CTNNA3: variants seen among roughly 807,000 people sequenced by gnomAD.
CTNNA3 encodes catenin alpha 3, also known as catenin alpha-3.
CTNNA3 carries 76 observed loss-of-function variants against 95.7 expected under a neutral mutation model. That is an observed-to-expected ratio of 0.79 (90% CI 0.66 to 0.96). The LOEUF is 0.96. Ranked by LOEUF, CTNNA3 falls within the 40% of genes least tolerant of loss-of-function variation. CTNNA3 has a pLI of 0.00. For synonymous variants in CTNNA3, 431 were observed against 374.4 expected, an observed-to-expected ratio of 1.15 and a Z score of -1.74; for missense variants, 1,191 against 1,089.8, an observed-to-expected ratio of 1.09 and a Z score of -1.31.
chr10:67,544,435 CA>C (rs200781305), intron 3 of CTNNA3, among the ~76,000 whole-genome samples: 19,671 of 152,138 alleles, frequency 0.13, 1,571 homozygotes, highest in East Asian at 0.3. Flanking sequence ...AAGGGGAAAC[CA>C]AGGCAGAGCC....
chr10:67,530,449 G>C (rs1425031164), intron 4 of CTNNA3, among the ~76,000 whole-genome samples: 1 of 152,196 alleles, frequency 6.6e-6, no homozygotes. Context: ...TTATGTTTTA[G>C]CAAAGAGATT....
At chr10:66,256,021 G>A (rs563307883) in intron 13 of CTNNA3, among the ~76,000 whole-genome samples, 58 of 152,344 alleles carry the variant, frequency 3.8e-4, no homozygotes, top group African/African-American at 1.4e-3. Context: ...AGCCAGGGAA[G>A]AAGCTGTCCC....
intron 5 of CTNNA3, among the ~76,000 whole-genome samples, chr10:67,456,799 T>C (rs1589309058): frequency 1.3e-5 from 2 of 152,162 alleles, no homozygotes; most frequent in South Asian, 4.1e-4. Context: ...GATGGCTAAA[T>C]GCAGTCTAGT....
intron 7 of CTNNA3, among the ~76,000 whole-genome samples, chr10:67,076,945 G>A (rs898463069): frequency 2.6e-5 from 4 of 152,078 alleles, no homozygotes; most frequent in African/African-American, 4.8e-5. Flanking sequence ...AAATCTCCTC[G>A]TCTTTATCAC....
chr10:67,213,759 T>C (rs906489090), intron 6 of CTNNA3, among the ~76,000 whole-genome samples: 25 of 151,842 alleles, frequency 1.6e-4, no homozygotes, highest in Non-Finnish European at 3.1e-4. Flanking sequence ...ATTTCACTTA[T>C]TTACCTAAAT....
At chr10:67,149,310 G>T (rs1453625440) in intron 7 of CTNNA3, among the ~76,000 whole-genome samples, 1 of 152,162 alleles carries the variant, frequency 6.6e-6, no homozygotes, top group African/African-American at 2.4e-5. Context: ...AAGAGGCCGG[G>T]TGCAGTGGCT....
intron 3 of CTNNA3, among the ~76,000 whole-genome samples, chr10:67,582,124 C>A (rs1216098815): frequency 7.0e-6 from 1 of 143,118 alleles, no homozygotes; most frequent in Non-Finnish European, 1.5e-5. Flanking sequence ...TTTGCTCTTG[C>A]TTCTCTAGTT....
At chr10:66,450,883 T>G (rs1001834274) in intron 11 of CTNNA3, among the ~76,000 whole-genome samples, 42 of 152,174 alleles carry the variant, frequency 2.8e-4, no homozygotes, top group Admixed American at 1.2e-3. Context: ...AAGTCTAACT[T>G]TTTTGAAGAT....
intron 3 of CTNNA3, among the ~76,000 whole-genome samples, chr10:67,562,795 A>G (rs1841572382): frequency 6.6e-6 from 1 of 152,194 alleles, no homozygotes; most frequent in Non-Finnish European, 1.5e-5. Flanking sequence ...ACAAAGTCTC[A>G]GGATACAAAA....
At chr10:67,480,121 G>C (rs903818016) in intron 5 of CTNNA3, among the ~76,000 whole-genome samples, 6 of 151,612 alleles carry the variant, frequency 4.0e-5, no homozygotes, top group African/African-American at 1.5e-4. Flanking sequence ...AAAAAGCCCT[G>C]GACCAGAAGA....
chr10:66,144,652 T>C (rs906511888), intron 13 of CTNNA3, among the ~76,000 whole-genome samples: 1 of 152,146 alleles, frequency 6.6e-6, no homozygotes, highest in African/African-American at 2.4e-5. Flanking sequence ...CACACCTAGC[T>C]AATTTTGTAT....
At chr10:66,157,301 T>C (rs1376589045) in intron 13 of CTNNA3, among the ~76,000 whole-genome samples, 6 of 152,042 alleles carry the variant, frequency 3.9e-5, no homozygotes, top group African/African-American at 1.4e-4. Flanking sequence ...TGTTTGGTTT[T>C]CCATTCCTGA....
chr10:67,715,003 G>A (rs1320382824), intron 1 of CTNNA3, among the ~76,000 whole-genome samples: 1 of 152,094 alleles, frequency 6.6e-6, no homozygotes, highest in East Asian at 1.9e-4. Context: ...CCCAGTTTCT[G>A]GTATGTCTTG....
intron 10 of CTNNA3, among the ~76,000 whole-genome samples, chr10:66,594,970 C>T (rs1203352429): frequency 6.6e-6 from 1 of 152,116 alleles, no homozygotes; most frequent in South Asian, 2.1e-4. Context: ...ATAAGAACTA[C>T]ATGCATGTTA....
intron 13 of CTNNA3, among the ~76,000 whole-genome samples, chr10:66,206,519 A>G (rs1158733418): frequency 6.6e-6 from 1 of 151,926 alleles, no homozygotes; most frequent in Non-Finnish European, 1.5e-5. Flanking sequence ...GTTTAAGAGG[A>G]CTCAGAGAAG....
intron 5 of CTNNA3, among the ~76,000 whole-genome samples, chr10:67,274,863 A>G (rs1323558982): frequency 2.6e-5 from 4 of 152,154 alleles, no homozygotes; most frequent in African/African-American, 9.7e-5. Context: ...AATATCAGTA[A>G]GAATCAGATT....
intron 5 of CTNNA3, among the ~76,000 whole-genome samples, chr10:67,417,964 T>G (rs898192563): frequency 1.3e-5 from 2 of 152,072 alleles, no homozygotes. Context: ...CAAATGTCCA[T>G]CAACTGGTAA....
At chr10:67,686,380 T>C (rs1341625421) in intron 1 of CTNNA3, among the ~76,000 whole-genome samples, 1 of 152,198 alleles carries the variant, frequency 6.6e-6, no homozygotes, top group Admixed American at 6.5e-5. Context: ...TAAGGGGACT[T>C]CTAAGAGATC....
chr10:66,766,127 C>T lies in CTNNA3; in HGVS notation c.1281+137G>A, dbSNP rs890322581. On this transcript the variant is annotated intron_variant, in intron 9 of 17. Coordinates refer to ENST00000433211, the MANE Select transcript of CTNNA3 (RefSeq NM_013266.4). Reference sequence around the variant, plus strand: ...CTATACAATCGGACATATACACCTTCATATTACTTTGGCCAGACTCTGCTG... The same window carrying T: ...CTATACAATCGGACATATACACCTTTATATTACTTTGGCCAGACTCTGCTG... The T allele has an allele frequency of 1.6e-5, 12 of 745,304 alleles. No homozygotes were observed. In the African/African-American group the frequency reaches 1.9e-4, roughly 12 times the overall value. The allele number at this position is 745,304 out of a possible 1,614,324, so 46.2% of individuals were successfully genotyped here.
Sources: allele counts gnomAD v4.1 joint callset (sites outside exome capture counted in the v4.1 genomes callset), GRCh38; gene constraint gnomAD v4.1.1; transcripts MANE v1.5; gene names NCBI Gene and HGNC (gene_info 2026-07-23, HGNC 2026-07-21).